Variants in DNM1L observed in about 807,000 individuals in gnomAD.
DNM1L encodes dynamin 1L, also known as dynamin-1-like protein.
Under a neutral mutation model 92.8 loss-of-function variants are expected in DNM1L, and 33 were observed. The ratio of observed to expected loss-of-function variants is 0.36; its 90% CI spans 0.27 to 0.48. The LOEUF is 0.48. DNM1L is among the 20% of genes least tolerant of loss of function. The pLI is 0.99. For synonymous variants in DNM1L, 284 were observed against 305.0 expected (o/e 0.93, Z 0.72); for missense variants, 485 against 888.8 (o/e 0.55, Z 5.78).
chr12:32,726,958 C>T, intron 9 of DNM1L: 1 of 728,512 alleles, frequency 1.4e-6, no homozygotes, highest in South Asian at 1.5e-5. Flanking sequence ...GAGAACTTCA[C>T]TTTGGTATCT....
At chr12:32,685,180 A>G (rs1303660301) in intron 1 of DNM1L, among the ~76,000 whole-genome samples, 1 of 150,126 alleles carries the variant, frequency 6.7e-6, no homozygotes, top group African/African-American at 2.5e-5. Context: ...CTCGTGATCC[A>G]CCCGCCTCGG....
intron 15 of DNM1L, 72 bp from the exon 16 acceptor site, chr12:32,738,192 T>C (rs1955034277): frequency 6.4e-7 from 1 of 1,556,848 alleles, no homozygotes; most frequent in South Asian, 1.1e-5. Flanking sequence ...TATCCTGCAC[T>C]TTTTGAATTT....
chr12:32,713,748 G>A (rs1953235546), intron 6 of DNM1L, among the ~76,000 whole-genome samples: 1 of 152,298 alleles, frequency 6.6e-6, no homozygotes, highest in East Asian at 1.9e-4. Flanking sequence ...AGAAGGCTGA[G>A]ATGGGAGCAT....
At chr12:32,738,148 G>C in intron 15 of DNM1L, 116 bp from the exon 16 acceptor site, 1 of 1,251,382 alleles carries the variant, frequency 8.0e-7, no homozygotes, top group Non-Finnish European at 1.2e-6. Context: ...CAATATAGAA[G>C]ATGCACACAG....
chr12:32,710,001 G>A (rs979364942), intron 4 of DNM1L, among the ~76,000 whole-genome samples: 1 of 152,180 alleles, frequency 6.6e-6, no homozygotes, highest in African/African-American at 2.4e-5. Context: ...AGTTAAACAG[G>A]TGATGAGAGG....
At chr12:32,738,401 T>C in intron 16 of DNM1L, 105 bp downstream of exon 16, 1 of 1,231,576 alleles carries the variant, frequency 8.1e-7, no homozygotes, top group Non-Finnish European at 1.2e-6. Context: ...TATCTATCTC[T>C]TGTCTGTGTT....
intron 8 of DNM1L, among the ~76,000 whole-genome samples, chr12:32,721,396 A>G (rs1034695751): frequency 2.0e-5 from 3 of 152,154 alleles, no homozygotes; most frequent in Non-Finnish European, 4.4e-5. Context: ...CTGGGTACCA[A>G]TTGTAAATGA....
At chr12:32,738,042 T>A in intron 15 of DNM1L, 100 bp downstream of exon 15, 1 of 1,346,502 alleles carries the variant, frequency 7.4e-7, no homozygotes, top group Non-Finnish European at 1.1e-6. Flanking sequence ...TAATATGGGA[T>A]ACTGTGCTAA....
At chr12:32,679,611 G>T in intron 1 of DNM1L, 146 bp downstream of exon 1, 1 of 1,361,790 alleles carries the variant, frequency 7.3e-7, no homozygotes, top group Non-Finnish European at 9.5e-7. Context: ...GGGGCCCCAG[G>T]GCTCTCCGGG....
chr12:32,733,782 G>A lies in DNM1L; in HGVS notation c.1514G>A (p.Cys505Tyr), dbSNP rs1194462799. 6.2e-7 allele frequency: 1 copy of A among 1,613,876 alleles called. No individual in the cohort carries two copies. Among genetic ancestry groups the A allele is most frequent in the East Asian group, 2.2e-5 (1 of 44,814 alleles). The change falls in exon 13 of 20, where the codon TGT becomes TAT. Residue 505 changes from cysteine to tyrosine, a missense_variant. Physicochemically the swap from Cys to Tyr is radical, Grantham distance 194 (BLOSUM62 -2). Coordinates refer to ENST00000549701, the MANE Select transcript of DNM1L (RefSeq NM_012062.5). ...AAACATCCAGACTTTGCTGATGCTTGTGGGCTAATGAACAATAATATAGAG... is the reference window on the plus strand; with the variant it reads ...AAACATCCAGACTTTGCTGATGCTTATGGGCTAATGAACAATAATATAGAG... The part of the protein sequence containing the change: ...NTKHPDFADA[C>Y]GLMNNNIEEQ...
chr12:32,738,924 C>G (rs1029815675), intron 16 of DNM1L, among the ~76,000 whole-genome samples: 1 of 152,192 alleles, frequency 6.6e-6, no homozygotes, highest in Admixed American at 6.5e-5. Flanking sequence ...CTTATCTTCT[C>G]TCAGCCCACT....
Position 32,737,950 on chromosome 12 carries a change from C to T in DNM1L, c.1674+8C>T. 2.5e-6 allele frequency: 4 copies of T among 1,613,502 alleles called. No individual in the cohort carries two copies. The highest frequency in any genetic ancestry group is 2.2e-5 in the East Asian group (1 of 44,862). ...GCTGAGGCTGATGGCAAGGTCTGTTCTGATTCTTAATCTAAGCCTGCATGC... is the reference window on the plus strand; with the variant it reads ...GCTGAGGCTGATGGCAAGGTCTGTTTTGATTCTTAATCTAAGCCTGCATGC... On this transcript the variant is annotated splice_region_variant and intron_variant, in intron 15 of 19. Coordinates refer to ENST00000549701, the MANE Select transcript of DNM1L (RefSeq NM_012062.5).
intron 1 of DNM1L, among the ~76,000 whole-genome samples, chr12:32,689,941 C>T (rs1450805622): frequency 6.6e-6 from 1 of 152,140 alleles, no homozygotes; most frequent in Admixed American, 6.6e-5. Context: ...ATCTTTAGCT[C>T]GTAAATATAA....
At chr12:32,720,922 G>A in intron 8 of DNM1L, 127 bp downstream of exon 8, 1 of 1,218,668 alleles carries the variant, frequency 8.2e-7, no homozygotes, top group South Asian at 1.3e-5. Context: ...TTCTTATATA[G>A]TAGGTTCCTG....
At chr12:32,715,348 A>G (rs560410722) in intron 6 of DNM1L, among the ~76,000 whole-genome samples, 18 of 152,242 alleles carry the variant, frequency 1.2e-4, no homozygotes, top group Non-Finnish European at 2.2e-4. Context: ...ACAACTTAAT[A>G]TGGCCAGCAG....
Position 32,740,215 on chromosome 12 carries a change from G to T in DNM1L, c.1859G>T (p.Gly620Val). The T allele has an allele frequency of 6.2e-7, 1 of 1,614,104 alleles. No homozygotes were observed. The highest frequency in any genetic ancestry group is 1.1e-5 in the South Asian group (1 of 91,074). The change falls in exon 17 of 20, where the codon GGT becomes GTT. Residue 620 changes from glycine (G) to valine (V), a missense_variant. Gly to Val is a moderately radical substitution (Grantham distance 109, BLOSUM62 -3). Transcript: ENST00000549701. ...IPIMPASPQKGHAVNLLDVPV... is the reference protein window; with the variant it reads ...IPIMPASPQKVHAVNLLDVPV... Reference sequence around the variant, plus strand: ...ATTATGCCAGCCAGTCCACAAAAAGGTCATGCCGTGAACCTGCTAGATGTG... The same window carrying T: ...ATTATGCCAGCCAGTCCACAAAAAGTTCATGCCGTGAACCTGCTAGATGTG...
chr12:32,727,171 C>T, intron 9 of DNM1L: 3 of 863,794 alleles, frequency 3.5e-6, no homozygotes, highest in Non-Finnish European at 6.0e-6. Context: ...TCACATTCTT[C>T]CTCTGTAGGT....
intron 14 of DNM1L, 69 bp downstream of exon 14, chr12:32,737,230 A>G: frequency 6.6e-7 from 1 of 1,505,322 alleles, no homozygotes; most frequent in South Asian, 1.2e-5. Context: ...AATATTACTC[A>G]GTCCTAGGAG....
At chr12:32,742,165 C>T (rs776847981) in intron 18 of DNM1L, among the ~76,000 whole-genome samples, 16 of 151,744 alleles carry the variant, frequency 1.1e-4, no homozygotes, top group Non-Finnish European at 1.9e-4. Context: ...AGTGCAGTGG[C>T]GCGTTCTTGG....
Sources: allele counts gnomAD v4.1 joint callset (sites outside exome capture counted in the v4.1 genomes callset), GRCh38; gene constraint gnomAD v4.1.1; transcripts MANE v1.5; gene names NCBI Gene and HGNC (gene_info 2026-07-23, HGNC 2026-07-21).